The following GIMAP8 variants were observed in gnomAD, a reference collection of about 807,000 sequenced individuals.
GIMAP8 encodes GTPase, IMAP family member 8.
In GIMAP8, 29 loss-of-function variants were observed where a neutral mutation model predicts 35.6. The observed-to-expected ratio is 0.81, with a 90% CI of 0.61 to 1.11. The LOEUF is 1.11. Ranked by LOEUF, GIMAP8 falls within the 50% of genes most tolerant of loss-of-function variation. GIMAP8 has a pLI of 0.00. For missense variants in GIMAP8, 811 were observed against 805.0 expected, an observed-to-expected ratio of 1.01 and a Z score of -0.09; for synonymous variants, 335 against 308.7, an observed-to-expected ratio of 1.09 and a Z score of -0.89.
intron 1 of GIMAP8, among the ~76,000 whole-genome samples, chr7:150,457,200 AGCAGGAACAT>A (rs1801747494): frequency 6.6e-6 from 1 of 152,274 alleles, no homozygotes; most frequent in African/African-American, 2.4e-5. Flanking sequence ...TGTTATCTGC[AGCAGGAACAT>A]GTCCTTAAGG....
chr7:150,462,815 GAGA>G (rs113394886), intron 1 of GIMAP8, among the ~76,000 whole-genome samples: 3,211 of 152,160 alleles, frequency 0.021, 98 homozygotes, highest in African/African-American at 0.07. Flanking sequence ...ATATGTTTCA[GAGA>G]AGATGTTTTT....
intron 1 of GIMAP8, among the ~76,000 whole-genome samples, chr7:150,456,911 A>G (rs961239507): frequency 1.3e-5 from 2 of 152,256 alleles, no homozygotes; most frequent in Non-Finnish European, 2.9e-5. Context: ...CTTTGATGTC[A>G]TGATAAAAAC....
Position 150,477,763 on chromosome 7 carries a change from A to G in GIMAP8, c.1981A>G (p.Ile661Val). ...SQAEKLLKNL[I>V]GILQ ...AGCCGAAAAACTCCTTAAAAATTTA[A>G]TAGGTATTTTACAATAGGTAGCCGA... The change falls in exon 5 of 5, where the codon ATA becomes GTA. Residue 661 changes from isoleucine to valine, a missense_variant. By Grantham distance (29) the Ile-to-Val change is conservative (BLOSUM62 3). Coordinates refer to ENST00000307271, the MANE Select transcript of GIMAP8 (RefSeq NM_175571.4). 6.2e-7 allele frequency: 1 copy of G among 1,613,250 alleles called. No individual in the cohort carries two copies. Among genetic ancestry groups the G allele is most frequent in the Non-Finnish European group, 8.5e-7 (1 of 1,179,742 alleles).
At chr7:150,467,981 A>G (rs1475013905) in intron 2 of GIMAP8, among the ~76,000 whole-genome samples, 3 of 152,180 alleles carry the variant, frequency 2.0e-5, no homozygotes, top group Non-Finnish European at 2.9e-5. Context: ...TTTTAAATCT[A>G]TAAGACTTCT....
rs747743467 is a variant in GIMAP8, at chr7:150,466,935, G to A, written c.237G>A (p.Lys79=). ...CCTCAATAGCTTGTGCTGAAGACAA[G>A]CAACGCAACATCCAACACTGCTTGG... ...LFSSIACAED[K]QRNIQHCLEL... Residue 79 remains lysine, a synonymous_variant, in exon 2 of 5, where the codon AAG becomes AAA. Transcript: ENST00000307271. The A allele has an allele frequency of 6.8e-6, 11 of 1,614,062 alleles. No homozygotes were observed. The highest frequency in any genetic ancestry group is 1.1e-5 in the South Asian group (1 of 91,090).
At chr7:150,476,184 C>A (rs1802224123) in intron 4 of GIMAP8, among the ~76,000 whole-genome samples, 1 of 152,166 alleles carries the variant, frequency 6.6e-6, no homozygotes, top group African/African-American at 2.4e-5. Flanking sequence ...TTAATAATTT[C>A]CCCTTGAAGG....
At chr7:150,465,763 C>A (rs987789542) in intron 1 of GIMAP8, among the ~76,000 whole-genome samples, 3 of 152,104 alleles carry the variant, frequency 2.0e-5, no homozygotes, top group African/African-American at 7.2e-5. Context: ...CAGGTGGAAG[C>A]CTTTGCAGGG....
intron 1 of GIMAP8, among the ~76,000 whole-genome samples, chr7:150,462,488 ATG>A (rs1379093640): frequency 6.6e-6 from 1 of 152,162 alleles, no homozygotes; most frequent in Non-Finnish European, 1.5e-5. Context: ...TCACTTTCAC[ATG>A]TAGGACCCCA....
intron 1 of GIMAP8, among the ~76,000 whole-genome samples, chr7:150,454,947 T>A (rs746674560): frequency 1.1e-4 from 16 of 152,036 alleles, no homozygotes; most frequent in Non-Finnish European, 2.2e-4. Context: ...GAGACCAGCC[T>A]GACCAACATG....
chr7:150,451,522 G>C lies in GIMAP8; in HGVS notation c.-29+347G>C, dbSNP rs535299820. Among the ~76,000 whole-genome samples the C allele has an allele frequency of 1.3e-5, 2 of 152,304 alleles. No individual in the cohort carries two copies. The highest frequency in any genetic ancestry group is 3.9e-4 in the East Asian group (2 of 5,172). On this transcript the variant is annotated intron_variant, in intron 1 of 4. Transcript: ENST00000307271. This position sits in a 1 kb window ranked among gnomAD's most constrained non-coding sequence, Gnocchi z 4.1. The stretch of plus-strand genomic sequence containing the variant: ...GGCATATTCCCAGACATCTATGAGA[G>C]TGGCTGTCCTAAAAGAAGGCGTGTC...
chr7:150,477,398 A>C lies in GIMAP8; in HGVS notation c.1616A>C (p.Glu539Ala), dbSNP rs185559640. Residue 539 changes from glutamate (E) to alanine (A), a missense_variant, in exon 5 of 5, where the codon GAA becomes GCA. Physicochemically the swap from Glu to Ala is moderately radical, Grantham distance 107. Transcript: ENST00000307271. Reference protein sequence around the residue: ...VLVFQLGRFTEEDKTAVAKLE... With the variant: ...VLVFQLGRFTAEDKTAVAKLE... ...GTGTTCCAGCTGGGACGATTCACTG[A>C]AGAGGACAAAACAGCTGTGGCGAAA... The C allele has an allele frequency of 1.4e-5, 22 of 1,614,222 alleles. No individual in the cohort carries two copies. In the East Asian group the frequency reaches 2.7e-4, roughly 20 times the overall value.
At chr7:150,473,058 T>C (rs1802130867) in intron 3 of GIMAP8, among the ~76,000 whole-genome samples, 1 of 152,174 alleles carries the variant, frequency 6.6e-6, no homozygotes, top group African/African-American at 2.4e-5. Flanking sequence ...TCCAAGGCAA[T>C]ACAGCAAGGG....
chr7:150,457,664 T>C (rs1306720969), intron 1 of GIMAP8, among the ~76,000 whole-genome samples: 3 of 152,132 alleles, frequency 2.0e-5, no homozygotes, highest in Admixed American at 2.0e-4. Context: ...GGGAAAAGAA[T>C]ATTAACTAAA....
intron 4 of GIMAP8, among the ~76,000 whole-genome samples, chr7:150,476,790 C>G (rs557337554): frequency 2.6e-5 from 4 of 152,236 alleles, no homozygotes; most frequent in African/African-American, 9.6e-5. Flanking sequence ...GGGAGTCTGT[C>G]TGGAAGGTGC....
chr7:150,459,088 A>C (rs1801789672), intron 1 of GIMAP8, among the ~76,000 whole-genome samples: 1 of 152,170 alleles, frequency 6.6e-6, no homozygotes, highest in South Asian at 2.1e-4. Flanking sequence ...TATTCCTTAA[A>C]AATCTGAGTT....
intron 3 of GIMAP8, among the ~76,000 whole-genome samples, chr7:150,471,649 C>A (rs1802092118): frequency 6.6e-6 from 1 of 152,074 alleles, no homozygotes; most frequent in Non-Finnish European, 1.5e-5. Flanking sequence ...CCAGCTTGGC[C>A]AACATGGCAA....
rs1343131472 is a variant in GIMAP8, at chr7:150,466,787, T to C, written c.89T>C (p.Ile30Thr). ...GGAAAAAGTGCCACAGGAAATGCCA[T>C]TCTGGGCAAACATGTGTTCAAGTCC... is the stretch of plus-strand genomic sequence containing the variant. ...RSGKSATGNAILGKHVFKSKF... is the reference protein window; with the variant it reads ...RSGKSATGNATLGKHVFKSKF... Residue 30 changes from isoleucine (I) to threonine (T), a missense_variant, in exon 2 of 5, where the codon ATT becomes ACT. Ile to Thr is a moderately conservative substitution (Grantham distance 89). Coordinates refer to ENST00000307271, the MANE Select transcript of GIMAP8 (RefSeq NM_175571.4). The C allele has an allele frequency of 2.5e-6, 4 of 1,614,118 alleles. No homozygotes were observed. Among genetic ancestry groups the C allele is most frequent in the Non-Finnish European group, 3.4e-6 (4 of 1,180,042 alleles).
At chr7:150,469,392 G>A (rs1294260710) in intron 2 of GIMAP8, among the ~76,000 whole-genome samples, 1 of 152,182 alleles carries the variant, frequency 6.6e-6, no homozygotes, top group African/African-American at 2.4e-5. Context: ...ACCACATCAA[G>A]TGATTTCACT....
chr7:150,474,439 G>C lies in GIMAP8; in HGVS notation c.1110G>C (p.Gly370=). Residue 370 remains glycine, a synonymous_variant, in exon 4 of 5, where the codon GGG becomes GGC. Transcript: ENST00000307271. The part of the protein sequence containing the change: ...IILLTRKEDL[G]DQDLDTFLRN... Reference sequence around the variant, plus strand: ...TTCTTACCAGGAAAGAAGATTTAGGGGATCAGGATCTAGATACGTTCTTAA... The same window carrying C: ...TTCTTACCAGGAAAGAAGATTTAGGCGATCAGGATCTAGATACGTTCTTAA... 1 of 1,613,630 alleles carries C rather than the reference G, an allele frequency of 6.2e-7. No individual in the cohort carries two copies. Among genetic ancestry groups the C allele is most frequent in the Non-Finnish European group, 8.5e-7 (1 of 1,179,726 alleles).
Sources: allele counts gnomAD v4.1 joint callset (sites outside exome capture counted in the v4.1 genomes callset), GRCh38; gene constraint gnomAD v4.1.1; non-coding constraint Gnocchi (gnomAD v3.1); transcripts MANE v1.5; gene names NCBI Gene and HGNC (gene_info 2026-07-23, HGNC 2026-07-21).